Variants in FBXL13 observed in about 807,000 individuals in gnomAD.
FBXL13 encodes F-box and leucine-rich repeat protein 13.
In FBXL13, 67 loss-of-function variants were observed where a neutral mutation model predicts 83.6. That is an observed-to-expected ratio of 0.80 (90% confidence interval 0.66 to 0.98). The LOEUF (loss-of-function observed/expected upper bound fraction) is 0.98. Ranked by LOEUF, FBXL13 falls within the 50% of genes least tolerant of loss-of-function variation. The probability of loss-of-function intolerance (pLI) is 0.00; values close to 1 mark genes in which losing one functional copy is unlikely to be tolerated. For missense variants in FBXL13, 822 were observed against 866.5 expected (o/e 0.95, Z 0.64); for synonymous variants, 272 against 299.5 (o/e 0.91, Z 0.95).
chr7:103,054,972 G>T, intron 2 of FBXL13, 116 bp downstream of exon 3: 2 of 484,466 alleles, frequency 4.1e-6, no homozygotes, highest in Non-Finnish European at 6.8e-6. Context: ...TTTTCTCGGT[G>T]CCCCCAACAA....
At chr7:103,030,386 C>T (rs11982122) in intron 2 of FBXL13, among the ~76,000 whole-genome samples, 1,686 of 152,188 alleles carry the variant, frequency 0.011, 34 homozygotes, top group African/African-American at 0.039. Flanking sequence ...ACAACATAAA[C>T]GATTCAAGTC....
At chr7:102,848,078 C>T (rs1804351576) in intron 17 of FBXL13, among the ~76,000 whole-genome samples, 1 of 152,168 alleles carries the variant, frequency 6.6e-6, no homozygotes, top group South Asian at 2.1e-4. Flanking sequence ...CACACTTTCA[C>T]TGCATACACA....
intron 11 of FBXL13, among the ~76,000 whole-genome samples, chr7:102,885,894 A>G (rs955568736): frequency 1.3e-5 from 2 of 152,110 alleles, no homozygotes; most frequent in Non-Finnish European, 2.9e-5. Context: ...TCCCCATTGA[A>G]TGGTCTCAGC....
At chr7:102,829,950 A>G (rs956473810) in intron 18 of FBXL13, among the ~76,000 whole-genome samples, 1 of 152,198 alleles carries the variant, frequency 6.6e-6, no homozygotes, top group African/African-American at 2.4e-5. Context: ...CATCTTCTCA[A>G]TCAGGATACT....
At chr7:102,925,047 A>G (rs1368217907) in intron 10 of FBXL13, among the ~76,000 whole-genome samples, 1 of 152,202 alleles carries the variant, frequency 6.6e-6, no homozygotes, top group African/African-American at 2.4e-5. Context: ...CCCAAAGTCA[A>G]ATTTGAATCT....
intron 2 of FBXL13, among the ~76,000 whole-genome samples, chr7:103,052,693 C>T (rs774245481): frequency 6.6e-6 from 1 of 151,916 alleles, no homozygotes; most frequent in Non-Finnish European, 1.5e-5. Context: ...AAGTTTGGAT[C>T]AGCTTCTAAT....
At chr7:102,968,724 A>G (rs1001241610) in intron 6 of FBXL13, among the ~76,000 whole-genome samples, 1 of 152,230 alleles carries the variant, frequency 6.6e-6, no homozygotes, top group African/African-American at 2.4e-5. Flanking sequence ...CAAGGACCCA[A>G]TCCTTATAAA....
intron 6 of FBXL13, among the ~76,000 whole-genome samples, chr7:102,994,121 C>T (rs1829852497): frequency 6.6e-6 from 1 of 152,042 alleles, no homozygotes. Context: ...ATAACAAACC[C>T]AACCATTCAA....
intron 8 of FBXL13, among the ~76,000 whole-genome samples, chr7:102,956,373 G>A (rs1824272141): frequency 6.6e-6 from 1 of 151,660 alleles, no homozygotes; most frequent in Non-Finnish European, 1.5e-5. Flanking sequence ...AGGTATTGAT[G>A]GAACGTATCT....
intron 2 of FBXL13, among the ~76,000 whole-genome samples, chr7:103,039,863 T>G (rs553509817): frequency 6.6e-6 from 1 of 152,166 alleles, no homozygotes; most frequent in Non-Finnish European, 1.5e-5. Context: ...TACCAGCCAC[T>G]GTAAAAACAT....
intron 14 of FBXL13, among the ~76,000 whole-genome samples, chr7:102,879,289 G>A (rs1282230007): frequency 6.6e-6 from 1 of 152,150 alleles, no homozygotes; most frequent in African/African-American, 2.4e-5. Context: ...CCCTCCGTTT[G>A]TTCAGATTTG....
chr7:103,053,903 A>T (rs555389384), intron 2 of FBXL13, among the ~76,000 whole-genome samples: 1 of 152,222 alleles, frequency 6.6e-6, no homozygotes, highest in Non-Finnish European at 1.5e-5. Flanking sequence ...CATCCCTCTA[A>T]TTCTGTTTCT....
chr7:102,846,217 T>C (rs971223829), intron 17 of FBXL13, among the ~76,000 whole-genome samples: 5 of 152,208 alleles, frequency 3.3e-5, no homozygotes, highest in African/African-American at 4.8e-5. Context: ...TTATAATGAT[T>C]TCTGTTTTCA....
At chr7:102,934,697 T>G in intron 8 of FBXL13, 1 of 1,560,542 alleles carries the variant, frequency 6.4e-7, no homozygotes, top group Non-Finnish European at 8.6e-7. Context: ...TTTGTACTTT[T>G]CTTACTTTTT....
At chr7:103,017,765 G>A (rs1792550233) in intron 6 of FBXL13, among the ~76,000 whole-genome samples, 1 of 148,650 alleles carries the variant, frequency 6.7e-6, no homozygotes, top group Admixed American at 6.7e-5. Context: ...GAGAAGACAA[G>A]TTTAGAGAAA....
chr7:103,046,256 G>A (rs924667404), intron 2 of FBXL13, among the ~76,000 whole-genome samples: 12 of 152,160 alleles, frequency 7.9e-5, no homozygotes, highest in Non-Finnish European at 1.8e-4. Context: ...GTACTTTTCT[G>A]TTTAGCCAAT....
At chr7:103,066,593 C>T (rs1798416597) in intron 1 of FBXL13, among the ~76,000 whole-genome samples, 1 of 151,364 alleles carries the variant, frequency 6.6e-6, no homozygotes. Flanking sequence ...CGAGGTTTTA[C>T]CTTGTTAGCC....
intron 7 of FBXL13, among the ~76,000 whole-genome samples, chr7:102,966,901 C>T (rs1186561980): frequency 6.6e-6 from 1 of 152,136 alleles, no homozygotes; most frequent in Non-Finnish European, 1.5e-5. Context: ...ACTCCAAAAA[C>T]CTCTGCTCTT....
At chr7:102,893,952 AAGAAAGAAAG>A in intron 11 of FBXL13, among the ~76,000 whole-genome samples, 2 of 130,802 alleles carry the variant, frequency 1.5e-5, no homozygotes, top group African/African-American at 7.1e-5. Flanking sequence ...GAAAGAAAGA[AAGAAAGAAAG>A]AGAGAAAGAA....
Sources: allele counts gnomAD v4.1 joint callset (sites outside exome capture counted in the v4.1 genomes callset), GRCh38; gene constraint gnomAD v4.1.1; transcripts MANE v1.5; gene names NCBI Gene and HGNC (gene_info 2026-07-23, HGNC 2026-07-21).